The following LSAMP variants were observed in gnomAD, a reference collection of about 807,000 sequenced individuals.
The protein encoded by LSAMP is limbic system associated membrane protein.
A neutral mutation model predicts 38.6 loss-of-function variants in LSAMP; 7 were observed. The observed-to-expected ratio is 0.18, with a 90% CI of 0.10 to 0.34. The LOEUF (loss-of-function observed/expected upper bound fraction) is 0.34, where lower values mean the gene tolerates loss of function less well. Ranked by LOEUF, LSAMP falls within the 10% of genes least tolerant of loss-of-function variation. The pLI, the probability that LSAMP is intolerant of heterozygous loss-of-function variation, is 1.00. For missense variants in LSAMP, 313 were observed against 420.0 expected (o/e 0.75, Z 2.23); for synonymous variants, 154 against 166.8 (o/e 0.92, Z 0.59).
In LSAMP at chr3:115,808,530, G is replaced by A. The variant is rs191930085; in HGVS notation, c.*1787C>T. On this transcript the variant is annotated 3_prime_UTR_variant, in exon 7 of 7. Coordinates refer to ENST00000490035, the MANE Select transcript of LSAMP (RefSeq NM_002338.5). The stretch of plus-strand genomic sequence containing the variant: ...AAATTTCTGTCTAAATTTATTACAA[G>A]TTGCCCAGCAATTTTGGTTAAGGAC... The A allele has an allele frequency of 2.0e-5, 3 of 152,236 alleles. No homozygotes were observed. The highest frequency in any genetic ancestry group is 2.0e-4 in the Admixed American group (3 of 15,290). 9.4% of individuals were successfully genotyped at this position (152,236 alleles called of 1,614,324 possible). A position where few individuals can be genotyped will look rare whatever the true frequency, so the allele number is the denominator to read the frequency against.
chr3:115,886,361 T>C (rs1936453388), intron 3 of LSAMP, among the ~76,000 whole-genome samples: 1 of 152,026 alleles, frequency 6.6e-6, no homozygotes, highest in Admixed American at 6.6e-5. Context: ...TATTGTGAAC[T>C]GTTAATAGTT....
At chr3:116,367,926 C>T (rs2048377281) in intron 1 of LSAMP, 1 of 152,116 alleles carries the variant, frequency 6.6e-6, no homozygotes, top group South Asian at 2.1e-4. Context: ...TTTGCTTCTG[C>T]ACACATTCCT....
chr3:116,234,172 T>C (rs1028822187), intron 1 of LSAMP, among the ~76,000 whole-genome samples: 1 of 152,218 alleles, frequency 6.6e-6, no homozygotes, highest in African/African-American at 2.4e-5. Flanking sequence ...TCTTTTTCTG[T>C]TGTATATGTT....
chr3:116,438,753 G>C (rs887811821), intron 1 of LSAMP, among the ~76,000 whole-genome samples: 10 of 152,170 alleles, frequency 6.6e-5, no homozygotes, highest in African/African-American at 2.2e-4. Flanking sequence ...ATGAGAGACA[G>C]CACAGAATAA....
chr3:116,443,114 T>G (rs2049459404), intron 1 of LSAMP, among the ~76,000 whole-genome samples: 1 of 152,176 alleles, frequency 6.6e-6, no homozygotes, highest in African/African-American at 2.4e-5. Flanking sequence ...GTGAACAAAA[T>G]TTCTAGGGAT....
intron 1 of LSAMP, among the ~76,000 whole-genome samples, chr3:116,331,745 A>T (rs2047856362): frequency 6.6e-6 from 1 of 152,232 alleles, no homozygotes; most frequent in Non-Finnish European, 1.5e-5. Context: ...AAATGAAGAT[A>T]AATATCTGGG....
chr3:116,224,504 G>A (rs771723273), intron 1 of LSAMP, among the ~76,000 whole-genome samples: 77 of 152,204 alleles, frequency 5.1e-4, no homozygotes, highest in Non-Finnish European at 1.5e-4. Context: ...ACTAGGTAAT[G>A]CAACTCAGAT....
At chr3:116,338,386 T>TATC (rs758749852) in intron 1 of LSAMP, among the ~76,000 whole-genome samples, 2 of 152,016 alleles carry the variant, frequency 1.3e-5, no homozygotes, top group African/African-American at 2.4e-5. Context: ...TCTACAGAAA[T>TATC]ATCTTTATCC....
chr3:116,164,601 AATATAT>A (rs36047780), intron 1 of LSAMP, among the ~76,000 whole-genome samples: 5 of 107,296 alleles, frequency 4.7e-5, no homozygotes, highest in East Asian at 2.4e-4. Flanking sequence ...ATATAATCCA[AATATAT>A]ATATATATAT....
chr3:115,928,973 G>GTTTTTGTTTTTTTTTT (rs1937533460), intron 3 of LSAMP, among the ~76,000 whole-genome samples: 1 of 109,928 alleles, frequency 9.1e-6, no homozygotes, highest in African/African-American at 3.6e-5. Flanking sequence ...TTTTTTGTTT[G>GTTTTTGTTTTTTTTTT]TTTTTTTTTT....
intron 1 of LSAMP, among the ~76,000 whole-genome samples, chr3:116,251,286 G>A (rs925628774): frequency 2.0e-5 from 3 of 152,154 alleles, no homozygotes; most frequent in Non-Finnish European, 4.4e-5. Flanking sequence ...TCTGTAATCT[G>A]AAATCTGGAA....
intron 5 of LSAMP, 117 bp from the exon 6 acceptor site, chr3:115,842,110 T>C (rs1576135804): frequency 9.5e-7 from 1 of 1,057,758 alleles, no homozygotes; most frequent in South Asian, 1.6e-5. Flanking sequence ...CTAGAGTTTG[T>C]TGTTCCATGC....
chr3:115,997,161 C>A (rs2107651773), intron 3 of LSAMP, among the ~76,000 whole-genome samples: 1 of 152,228 alleles, frequency 6.6e-6, no homozygotes, highest in South Asian at 2.1e-4. Flanking sequence ...AAGAATGCTA[C>A]ATTTAAATAA....
rs143031363 is a variant in LSAMP, at chr3:116,305,600, AAAAT to A, written c.155+139273_155+139276del. On this transcript the variant is annotated intron_variant, in intron 1 of 6. Transcript: ENST00000490035. The stretch of plus-strand genomic sequence containing the variant: ...GCTTGCATGAAAAAAATACAGAAAG[AAAAT>A]AAATAACATTGATATGAAAGTGCAA... Among the ~76,000 whole-genome samples the A allele has an allele frequency of 1.5e-3, 234 of 152,260 alleles. 1 individual carries two copies. Among genetic ancestry groups the A allele is most frequent in the African/African-American group, 5.3e-3 (221 of 41,568 alleles).
At chr3:116,198,263 C>T (rs908868904) in intron 1 of LSAMP, among the ~76,000 whole-genome samples, 3 of 152,110 alleles carry the variant, frequency 2.0e-5, no homozygotes, top group Non-Finnish European at 4.4e-5. Flanking sequence ...CTTGATGTTC[C>T]TTTGGGAGAT....
At chr3:116,004,017 G>A (rs1433293094) in intron 3 of LSAMP, among the ~76,000 whole-genome samples, 1 of 152,158 alleles carries the variant, frequency 6.6e-6, no homozygotes, top group East Asian at 1.9e-4. Context: ...AAGATAGTTT[G>A]GCAAACATTA....
At chr3:116,335,472 C>G (rs759906980) in intron 1 of LSAMP, among the ~76,000 whole-genome samples, 1 of 151,996 alleles carries the variant, frequency 6.6e-6, no homozygotes, top group East Asian at 1.9e-4. Flanking sequence ...TATTACTACA[C>G]AACTACAGTA....
At chr3:116,226,873 G>A (rs964624414) in intron 1 of LSAMP, among the ~76,000 whole-genome samples, 13 of 152,158 alleles carry the variant, frequency 8.5e-5, no homozygotes, top group African/African-American at 2.9e-4. Flanking sequence ...CTCCTCACAC[G>A]CCACCACTGA....
intron 1 of LSAMP, among the ~76,000 whole-genome samples, chr3:116,291,582 T>G (rs1299095686): frequency 6.6e-6 from 1 of 152,170 alleles, no homozygotes. Flanking sequence ...ACAGATAACA[T>G]TAGATTGGGA....
Sources: gnomAD v4.1 joint callset for allele counts (sites outside exome capture counted in the v4.1 genomes callset) on GRCh38, gnomAD v4.1.1 for gene constraint, MANE v1.5 for transcripts, NCBI Gene and HGNC (gene_info 2026-07-23, HGNC 2026-07-21) for gene names.